Variants in SOBP observed in about 807,000 individuals in gnomAD.
SOBP encodes sine oculis binding protein homolog.
In SOBP, 4 loss-of-function variants were observed where a neutral mutation model predicts 53.6. That is an observed-to-expected ratio of 0.07 (90% CI 0.04 to 0.17). The LOEUF (loss-of-function observed/expected upper bound fraction) is 0.17, where lower values mean the gene tolerates loss of function less well. SOBP is among the 10% of genes least tolerant of loss of function. The probability of loss-of-function intolerance (pLI) is 1.00; values close to 1 mark genes in which losing one functional copy is unlikely to be tolerated. For synonymous variants in SOBP, 584 were observed against 522.6 expected (o/e 1.12, Z -1.60); for missense variants, 1,088 against 1,204.7 (o/e 0.90, Z 1.43).
At chr6:107,553,495 ATTT>A in intron 4 of SOBP, among the ~76,000 whole-genome samples, 1 of 134,382 alleles carries the variant, frequency 7.4e-6, no homozygotes. Flanking sequence ...CACCTGGCTA[ATTT>A]TTTTTTTTTT....
chr6:107,521,324 A>G (rs1783478150), intron 3 of SOBP, among the ~76,000 whole-genome samples: 1 of 152,092 alleles, frequency 6.6e-6, no homozygotes, highest in Non-Finnish European at 1.5e-5. Flanking sequence ...TTCACTTGGT[A>G]ATAATTCCTT....
intron 4 of SOBP, among the ~76,000 whole-genome samples, chr6:107,558,860 T>C (rs1233549318): frequency 6.6e-6 from 1 of 152,140 alleles, no homozygotes; most frequent in East Asian, 1.9e-4. Flanking sequence ...GATTAGCAGT[T>C]GCCATCTTCT....
intron 5 of SOBP, among the ~76,000 whole-genome samples, chr6:107,589,087 C>T (rs1303910254): frequency 6.6e-6 from 1 of 152,172 alleles, no homozygotes. Flanking sequence ...TTGGAGTTTT[C>T]TTAGTGCAAC....
chr6:107,555,197 GAAA>G (rs5878918), intron 4 of SOBP, among the ~76,000 whole-genome samples: 10 of 135,786 alleles, frequency 7.4e-5, no homozygotes, highest in East Asian at 2.1e-4. Flanking sequence ...GTAAGAGAAT[GAAA>G]AAAAAAAAAA....
chr6:107,642,264 G>A (rs1337518838), intron 6 of SOBP, among the ~76,000 whole-genome samples: 1 of 152,008 alleles, frequency 6.6e-6, no homozygotes, highest in Non-Finnish European at 1.5e-5. Flanking sequence ...AATAGGGTGG[G>A]GTCAGGATTG....
intron 4 of SOBP, among the ~76,000 whole-genome samples, chr6:107,557,220 A>AT (rs541005160): frequency 2.6e-5 from 4 of 152,200 alleles, no homozygotes; most frequent in African/African-American, 9.6e-5. Flanking sequence ...CATTTTAGAG[A>AT]TTTTTTTCCT....
intron 6 of SOBP, among the ~76,000 whole-genome samples, chr6:107,636,588 T>C (rs531593524): frequency 1.3e-5 from 2 of 152,318 alleles, no homozygotes; most frequent in South Asian, 2.1e-4. Context: ...AGGCCAAAAT[T>C]CAGTTGAGTT....
At chr6:107,533,295 AAG>A (rs1311435367) in intron 3 of SOBP, among the ~76,000 whole-genome samples, 162 bp from the exon 4 acceptor site, 2 of 146,306 alleles carry the variant, frequency 1.4e-5, no homozygotes, top group African/African-American at 5.0e-5. Flanking sequence ...AAAAAAAAAA[AAG>A]AGAGAGAGAA....
At chr6:107,515,423 CAAT>C (rs1398579821) in intron 3 of SOBP, among the ~76,000 whole-genome samples, 1 of 152,142 alleles carries the variant, frequency 6.6e-6, no homozygotes, top group East Asian at 1.9e-4. Flanking sequence ...GTAAGGGAAA[CAAT>C]AATTTAGTGT....
rs1015339208 is a variant in SOBP, at chr6:107,490,603, C to T, written c.-14C>T. Reference sequence around the variant, plus strand: ...AGCAGCCATTTCATCTCCACAGAAACCAGACACAAAAACATGGCAGAAATG... The same window carrying T: ...AGCAGCCATTTCATCTCCACAGAAATCAGACACAAAAACATGGCAGAAATG... On this transcript the variant is annotated 5_prime_UTR_variant, in exon 1 of 7. Coordinates refer to ENST00000317357, the MANE Select transcript of SOBP (RefSeq NM_018013.4). 2 of 1,592,240 alleles carry T rather than the reference C, an allele frequency of 1.3e-6. No individual in the cohort carries two copies. The highest frequency in any genetic ancestry group is 1.7e-5 in the Admixed American group (1 of 57,350).
At chr6:107,600,512 A>T (rs937394821) in intron 5 of SOBP, among the ~76,000 whole-genome samples, 1 of 152,086 alleles carries the variant, frequency 6.6e-6, no homozygotes, top group Admixed American at 6.5e-5. Flanking sequence ...AGGTTAAAAA[A>T]TATATATGTG....
intron 5 of SOBP, among the ~76,000 whole-genome samples, chr6:107,606,186 C>T (rs1170536864): frequency 6.7e-6 from 1 of 148,246 alleles, no homozygotes; most frequent in Non-Finnish European, 1.5e-5. Context: ...ATGCAATTCT[C>T]CTGCCTCAGC....
intron 3 of SOBP, among the ~76,000 whole-genome samples, chr6:107,519,514 C>T (rs911971586): frequency 6.6e-6 from 1 of 152,128 alleles, no homozygotes; most frequent in Non-Finnish European, 1.5e-5. Flanking sequence ...TTACTTGCCT[C>T]GCACCTGTGG....
chr6:107,509,575 G>A (rs943034048), intron 3 of SOBP, among the ~76,000 whole-genome samples: 4 of 152,086 alleles, frequency 2.6e-5, no homozygotes, highest in African/African-American at 9.7e-5. Flanking sequence ...TTTGAGCAAA[G>A]CAAACAGCTT....
At chr6:107,539,173 A>G (rs951520711) in intron 4 of SOBP, among the ~76,000 whole-genome samples, 9 of 152,228 alleles carry the variant, frequency 5.9e-5, no homozygotes, top group Non-Finnish European at 1.2e-4. Context: ...AGGAACAGCA[A>G]CCACTTCTAG....
intron 3 of SOBP, among the ~76,000 whole-genome samples, chr6:107,521,694 T>C (rs911030035): frequency 2.0e-5 from 3 of 152,228 alleles, no homozygotes; most frequent in Admixed American, 2.0e-4. Context: ...CTCACACATA[T>C]ACACATTTGT....
intron 3 of SOBP, among the ~76,000 whole-genome samples, chr6:107,517,230 T>C (rs1783347956): frequency 6.6e-6 from 1 of 152,216 alleles, no homozygotes; most frequent in Non-Finnish European, 1.5e-5. Flanking sequence ...ATGATAAATA[T>C]ATTAGTCAGC....
intron 3 of SOBP, among the ~76,000 whole-genome samples, chr6:107,508,511 G>A (rs1016174177): frequency 1.3e-4 from 20 of 152,038 alleles, no homozygotes; most frequent in South Asian, 2.1e-4. Flanking sequence ...CCTGGGAGGC[G>A]GAGGCTGCAG....
At chr6:107,556,916 CATATT>C (rs1784627567) in intron 4 of SOBP, among the ~76,000 whole-genome samples, 1 of 152,198 alleles carries the variant, frequency 6.6e-6, no homozygotes, top group Admixed American at 6.5e-5. Flanking sequence ...TGTGATCTAA[CATATT>C]ATATAATGAG....
Sources: gnomAD v4.1 joint callset for allele counts (sites outside exome capture counted in the v4.1 genomes callset) on GRCh38, gnomAD v4.1.1 for gene constraint, MANE v1.5 for transcripts, NCBI Gene and HGNC (gene_info 2026-07-23, HGNC 2026-07-21) for gene names.